The following DISP1 variants were observed in gnomAD, a reference collection of about 807,000 sequenced individuals.
DISP1 encodes the protein protein dispatched homolog 1.
In DISP1, 30 loss-of-function variants were observed where a neutral mutation model predicts 37.3. The observed-to-expected ratio is 0.80, with a 90% CI of 0.60 to 1.09. The LOEUF (loss-of-function observed/expected upper bound fraction) is 1.09. Ranked by LOEUF, DISP1 falls within the 50% of genes least tolerant of loss-of-function variation. DISP1 has a pLI of 0.00. For synonymous variants in DISP1, 634 were observed against 690.2 expected, an observed-to-expected ratio of 0.92 and a Z score of 1.28; for missense variants, 1,598 against 1,879.5, an observed-to-expected ratio of 0.85 and a Z score of 2.77.
intron 3 of DISP1, among the ~76,000 whole-genome samples, chr1:222,946,574 TTA>T (rs900905114): frequency 2.7e-4 from 41 of 152,300 alleles, no homozygotes; most frequent in African/African-American, 9.4e-4. Context: ...TACTGAATTC[TTA>T]TATGTGCCAG....
At chr1:222,861,129 C>G (rs1241871189) in intron 1 of DISP1, among the ~76,000 whole-genome samples, 1 of 152,084 alleles carries the variant, frequency 6.6e-6, no homozygotes. Context: ...TTCTCTTTTT[C>G]TCTATTTCCT....
intron 1 of DISP1, among the ~76,000 whole-genome samples, chr1:222,885,108 G>T (rs1011661662): frequency 2.0e-5 from 3 of 152,110 alleles, no homozygotes; most frequent in African/African-American, 7.2e-5. Context: ...GATTACAGGG[G>T]TGAGCCACCG....
At chr1:222,942,115 GA>G (rs35492569) in intron 2 of DISP1, among the ~76,000 whole-genome samples, 16,867 of 150,762 alleles carry the variant, frequency 0.11, 1,303 homozygotes, top group Non-Finnish European at 0.16. Context: ...AAAAAAGTAA[GA>G]AAAAAAACTC....
chr1:222,923,877 T>C (rs1672942293), intron 1 of DISP1, among the ~76,000 whole-genome samples: 1 of 152,132 alleles, frequency 6.6e-6, no homozygotes, highest in Non-Finnish European at 1.5e-5. Context: ...AAGGCTGGAA[T>C]GCTGGTGAAG....
chr1:222,902,272 C>T (rs1671636564), intron 1 of DISP1, among the ~76,000 whole-genome samples: 1 of 152,018 alleles, frequency 6.6e-6, no homozygotes, highest in South Asian at 2.1e-4. Flanking sequence ...TGGATCTTTC[C>T]TGCTTTCTCT....
Position 222,942,928 on chromosome 1 carries a change from T to C in DISP1, c.105T>C (p.His35=), listed in dbSNP as rs748144372. 1.9e-6 allele frequency: 3 copies of C among 1,614,012 alleles called. No homozygotes were observed. The highest frequency in any genetic ancestry group is 1.3e-5 in the African/African-American group (1 of 74,904). Residue 35 remains histidine (H), a synonymous_variant, in exon 3 of 9, where the codon CAT becomes CAC. Coordinates refer to ENST00000675850, the MANE Select transcript of DISP1 (RefSeq NM_001377229.1). ...CCCTCACCCCCTGTGATGGAGACCATGCAGCCCAGCAGCTCACACCCAAAG... is the reference window on the plus strand; with the variant it reads ...CCCTCACCCCCTGTGATGGAGACCACGCAGCCCAGCAGCTCACACCCAAAG... ...PSPLTPCDGD[H]AAQQLTPKEA... is the part of the protein sequence containing the mutation.
At chr1:222,863,711 A>C (rs1669012320) in intron 1 of DISP1, among the ~76,000 whole-genome samples, 1 of 152,078 alleles carries the variant, frequency 6.6e-6, no homozygotes, top group African/African-American at 2.4e-5. Flanking sequence ...TATTAGTTTG[A>C]ATTCATAGAT....
At chr1:222,993,173 C>T (rs1678828164) in intron 7 of DISP1, among the ~76,000 whole-genome samples, 1 of 152,034 alleles carries the variant, frequency 6.6e-6, no homozygotes, top group African/African-American at 2.4e-5. Context: ...GCCAAGAATC[C>T]AGATTTGAAT....
intron 1 of DISP1, among the ~76,000 whole-genome samples, chr1:222,886,229 A>C (rs1670592584): frequency 6.6e-6 from 1 of 152,168 alleles, no homozygotes; most frequent in African/African-American, 2.4e-5. Context: ...GCTATAGAAA[A>C]TCTGAACAGT....
intron 1 of DISP1, among the ~76,000 whole-genome samples, chr1:222,829,433 G>A (rs917529261): frequency 1.3e-5 from 2 of 149,200 alleles, no homozygotes; most frequent in Admixed American, 1.3e-4. Context: ...TACTTCATCA[G>A]TTCTCTTTGA....
chr1:222,927,138 C>T (rs961639947), intron 1 of DISP1, among the ~76,000 whole-genome samples: 11 of 149,396 alleles, frequency 7.4e-5, no homozygotes, highest in Non-Finnish European at 1.0e-4. Context: ...GAAGCTAAAG[C>T]GTGTTACATT....
chr1:222,819,641 A>C (rs1205248231), intron 1 of DISP1, among the ~76,000 whole-genome samples: 1 of 151,312 alleles, frequency 6.6e-6, no homozygotes, highest in African/African-American at 2.4e-5. Flanking sequence ...CTGGGTTCAA[A>C]CGATGCTCCT....
chr1:222,986,105 C>G (rs1207981186), intron 4 of DISP1, among the ~76,000 whole-genome samples: 1 of 151,934 alleles, frequency 6.6e-6, no homozygotes, highest in Non-Finnish European at 1.5e-5. Context: ...AGGTAAAAAC[C>G]AAGAATAGTT....
In DISP1 at chr1:223,002,647, A is replaced by G. The variant is rs1366857566; in HGVS notation, c.1250A>G (p.Lys417Arg). 2 of 1,613,996 alleles carry G rather than the reference A, an allele frequency of 1.2e-6. No homozygotes were observed. The highest frequency in any genetic ancestry group is 1.7e-6 in the Non-Finnish European group (2 of 1,180,032). Residue 417 changes from lysine (K) to arginine (R), a missense_variant, in exon 9 of 9, where the codon AAA (lysine) becomes AGA (arginine). Coordinates refer to ENST00000675850, the MANE Select transcript of DISP1 (RefSeq NM_001377229.1). ...CTCAAGTGCACCAATGTGCCACGCA[A>G]ATGTACCAAGTACAATGCTGTGTAC... ...DQLKCTNVPRKCTKYNAVYQI... is the reference protein window; with the variant it reads ...DQLKCTNVPRRCTKYNAVYQI...
At chr1:222,949,446 T>C (rs1056498166) in intron 3 of DISP1, among the ~76,000 whole-genome samples, 2 of 152,104 alleles carry the variant, frequency 1.3e-5, no homozygotes, top group Non-Finnish European at 2.9e-5. Context: ...ACATTTAATA[T>C]GTCTATTTTA....
intron 1 of DISP1, among the ~76,000 whole-genome samples, chr1:222,843,331 C>G (rs1276012205): frequency 6.6e-6 from 1 of 151,888 alleles, no homozygotes; most frequent in Non-Finnish European, 1.5e-5. Context: ...TATATATGTA[C>G]TTCTGAAATA....
intron 1 of DISP1, among the ~76,000 whole-genome samples, chr1:222,860,909 T>C (rs1421168465): frequency 1.3e-5 from 2 of 152,050 alleles, no homozygotes; most frequent in African/African-American, 2.4e-5. Flanking sequence ...AAGAAAGTGA[T>C]TGCTAGAAAA....
intron 3 of DISP1, among the ~76,000 whole-genome samples, chr1:222,969,006 G>T (rs1176540647): frequency 2.0e-5 from 3 of 152,016 alleles, no homozygotes; most frequent in African/African-American, 7.2e-5. Flanking sequence ...AGATTATTAA[G>T]TAAGTGGAAT....
chr1:222,939,455 G>T (rs571384787), intron 2 of DISP1, among the ~76,000 whole-genome samples: 1 of 149,452 alleles, frequency 6.7e-6, no homozygotes, highest in African/African-American at 2.5e-5. Context: ...GGGATTTCAG[G>T]GTTCTTTGAA....
Sources: gnomAD v4.1 joint callset for allele counts (sites outside exome capture counted in the v4.1 genomes callset) on GRCh38, gnomAD v4.1.1 for gene constraint, MANE v1.5 for transcripts, NCBI Gene and HGNC (gene_info 2026-07-23, HGNC 2026-07-21) for gene names.